The following SLC6A4 variants were observed in gnomAD, a reference collection of about 807,000 sequenced individuals.
SLC6A4 encodes solute carrier family 6 member 4.
In SLC6A4, 22 loss-of-function variants were observed where a neutral mutation model predicts 73.4. The ratio of observed to expected loss-of-function variants is 0.30; its 90% CI spans 0.21 to 0.43. SLC6A4 has a LOEUF of 0.43. Ranked by LOEUF, SLC6A4 falls within the 20% of genes least tolerant of loss-of-function variation. The pLI, the probability that SLC6A4 is intolerant of heterozygous loss-of-function variation, is 1.00. For synonymous variants in SLC6A4, 270 were observed against 315.5 expected (o/e 0.86, Z 1.53); for missense variants, 593 against 808.5 (o/e 0.73, Z 3.23).
Position 30,209,172 on chromosome 17 carries a change from A to G in SLC6A4, c.1520T>C (p.Ile507Thr). The G allele has an allele frequency of 6.2e-7, 1 of 1,613,770 alleles. No individual in the cohort carries two copies. Among genetic ancestry groups the G allele is most frequent in the East Asian group, 2.2e-5 (1 of 44,862 alleles). ...GAACCAAGACACAGCGACTGCTTCG[A>G]TCAGCGCGACAGTGAGCACTGCGGG... ...TGPAVLTVAL[I>T]EAVAVSWFYG... Residue 507 changes from isoleucine to threonine, a missense_variant, in exon 12 of 15, where the codon ATC becomes ACC. Ile to Thr is a moderately conservative substitution (Grantham distance 89). Coordinates refer to ENST00000650711, the MANE Select transcript of SLC6A4 (RefSeq NM_001045.6).
chr17:30,232,325 A>C (rs1441513383), intron 1 of SLC6A4, among the ~76,000 whole-genome samples: 3 of 152,082 alleles, frequency 2.0e-5, no homozygotes, highest in Admixed American at 2.0e-4. Context: ...TGGTCTCATC[A>C]TAACCCCTCC....
At chr17:30,215,744 G>A (rs771689576) in intron 7 of SLC6A4, 30 bp from the exon 8 acceptor site, 1 of 1,585,344 alleles carries the variant, frequency 6.3e-7, no homozygotes, top group African/African-American at 1.3e-5. Flanking sequence ...AGGGCATGGG[G>A]TGAGGGGGAG....
intron 8 of SLC6A4, among the ~76,000 whole-genome samples, chr17:30,214,042 T>A (rs951823830): frequency 9.2e-5 from 14 of 152,182 alleles, no homozygotes; most frequent in Non-Finnish European, 1.6e-4. Flanking sequence ...CAACTGCACC[T>A]GGCCCAGTGG....
chr17:30,222,845 C>A lies in SLC6A4; in HGVS notation c.-150G>T. 2.3e-6 allele frequency: 3 copies of A among 1,304,562 alleles called. No individual in the cohort carries two copies. Among genetic ancestry groups the A allele is most frequent in the Non-Finnish European group, 2.0e-6 (2 of 988,914 alleles). The allele number at this position is 1,304,562 out of a possible 1,614,324, so 80.8% of individuals were successfully genotyped here. ...ATTTGTTCTTCTTTCCACTTGCCAG[C>A]AACTCCTGTGGCTAAGCCCCTTGTT... On this transcript the variant is annotated 5_prime_UTR_variant, in exon 2 of 15. Coordinates refer to ENST00000650711, the MANE Select transcript of SLC6A4 (RefSeq NM_001045.6).
intron 3 of SLC6A4, among the ~76,000 whole-genome samples, chr17:30,219,228 C>T (rs886886807): frequency 6.6e-6 from 1 of 152,176 alleles, no homozygotes; most frequent in African/African-American, 2.4e-5. Flanking sequence ...ACCTGGAGAA[C>T]GCTGGGCCAC....
intron 2 of SLC6A4, 35 bp from the exon 3 acceptor site, chr17:30,222,116 G>T (rs1410870483): frequency 3.5e-6 from 5 of 1,435,880 alleles, no homozygotes; most frequent in East Asian, 2.5e-5. Context: ...GGAGAAAAAA[G>T]TTAGACATTT....
rs1906812502 is a variant in SLC6A4 at position 30,222,848 on chromosome 17, C to A, written c.-153G>T. 1 of 1,304,366 alleles carries A rather than the reference C, an allele frequency of 7.7e-7. No homozygotes were observed. The highest frequency in any genetic ancestry group is 1.5e-5 in the African/African-American group (1 of 65,880). The allele number at this position is 1,304,366 out of a possible 1,614,324, so 80.8% of individuals were successfully genotyped here. A position where few individuals can be genotyped will look rare whatever the true frequency, so the allele number is the denominator to read the frequency against. ...TGTTCTTCTTTCCACTTGCCAGCAA[C>A]TCCTGTGGCTAAGCCCCTTGTTATT... On this transcript the variant is annotated 5_prime_UTR_variant, in exon 2 of 15. Coordinates refer to ENST00000650711, the MANE Select transcript of SLC6A4 (RefSeq NM_001045.6).
chr17:30,218,772 C>A, intron 4 of SLC6A4, 25 bp downstream of exon 4: 1 of 1,612,924 alleles, frequency 6.2e-7, no homozygotes, highest in Non-Finnish European at 8.5e-7. Flanking sequence ...CTCCACTTAC[C>A]CACCCCACCG....
intron 5 of SLC6A4, among the ~76,000 whole-genome samples, 199 bp from the exon 6 acceptor site, chr17:30,217,503 G>A (rs1906614737): frequency 6.6e-6 from 1 of 152,206 alleles, no homozygotes. Context: ...CAACACCCTG[G>A]GAAGAGTGTT....
intron 13 of SLC6A4, among the ~76,000 whole-genome samples, chr17:30,207,410 TAG>T (rs1906241177): frequency 1.3e-5 from 2 of 152,080 alleles, no homozygotes; most frequent in Non-Finnish European, 2.9e-5. Flanking sequence ...TTTTCTGAAA[TAG>T]AGTCTCACTT....
rs774382857 is a variant in SLC6A4 at position 30,212,848 on chromosome 17, C to T, written c.1096G>A (p.Val366Met). The T allele has an allele frequency of 6.2e-6, 10 of 1,613,982 alleles. No homozygotes were observed. The African/African-American group carries it at 8.0e-5, about 13-fold the overall frequency. ...NCYQDALVTSVVNCMTSFVSG... is the reference protein window; with the variant it reads ...NCYQDALVTSMVNCMTSFVSG... ...ACGAAGCTCGTCATGCAGTTCACCA[C>T]GCTGGTCACCAGGGCATCTCTGGAG... Residue 366 changes from valine (V) to methionine (M), a missense_variant, in exon 9 of 15, where the codon GTG (valine) becomes ATG (methionine). Physicochemically the swap from Val to Met is conservative, Grantham distance 21 (BLOSUM62 1). Coordinates refer to ENST00000650711, the MANE Select transcript of SLC6A4 (RefSeq NM_001045.6).
At chr17:30,214,171 C>A (rs1352345445) in intron 8 of SLC6A4, among the ~76,000 whole-genome samples, 1 of 151,780 alleles carries the variant, frequency 6.6e-6, no homozygotes, top group Admixed American at 6.6e-5. Context: ...GCCTGTAATC[C>A]CAGCACTTTG....
chr17:30,206,696 T>C (rs1906209841), intron 13 of SLC6A4, among the ~76,000 whole-genome samples: 1 of 123,930 alleles, frequency 8.1e-6, no homozygotes. Flanking sequence ...CTCAATCTCC[T>C]TTTTTCTTTT....
At chr17:30,213,049 G>C (rs1044480745) in intron 8 of SLC6A4, among the ~76,000 whole-genome samples, 182 bp from the exon 9 acceptor site, 1 of 152,182 alleles carries the variant, frequency 6.6e-6, no homozygotes, top group Non-Finnish European at 1.5e-5. Context: ...CCCAGCTGCC[G>C]AGGCCTGAAG....
chr17:30,215,619 G>T lies in SLC6A4; in HGVS notation c.1068C>A (p.Asn356Lys). 1 of 1,613,322 alleles carries T rather than the reference G, an allele frequency of 6.2e-7. No homozygotes were observed. Residue 356 changes from asparagine (N) to lysine (K), a missense_variant, in exon 8 of 15, where the codon AAC becomes AAA. Asn to Lys is a moderately conservative substitution (Grantham distance 94). Coordinates refer to ENST00000650711, the MANE Select transcript of SLC6A4 (RefSeq NM_001045.6). ...GGACCCCAGATACTCACTGGTAGCA[G>T]TTGTTGTTGAACTTGTTGTAGCTAG... is the stretch of plus-strand genomic sequence containing the variant. The part of the protein sequence containing the change: ...AFASYNKFNN[N>K]CYQDALVTSV...
rs1906644128 is a variant in SLC6A4 at position 30,218,326 on chromosome 17, C to T, written c.490G>A (p.Ala164Thr). 6.2e-7 allele frequency: 1 copy of T among 1,613,504 alleles called. No individual in the cohort carries two copies. The highest frequency in any genetic ancestry group is 8.5e-7 in the Non-Finnish European group (1 of 1,179,626). ...ICPIFKGIGYAICIIAFYIAS... is the reference protein window; with the variant it reads ...ICPIFKGIGYTICIIAFYIAS... ...ATGTAAAAGGCAATGATGCAGATGGCATAACCAATCCCTGGGCAGTGGGTG... is the reference window on the plus strand; with the variant it reads ...ATGTAAAAGGCAATGATGCAGATGGTATAACCAATCCCTGGGCAGTGGGTG... The change falls in exon 5 of 15, where the codon GCC (alanine) becomes ACC (threonine). Residue 164 changes from alanine to threonine, a missense_variant. Coordinates refer to ENST00000650711, the MANE Select transcript of SLC6A4 (RefSeq NM_001045.6).
Position 30,200,739 on chromosome 17 carries a change from G to C in SLC6A4, c.1819-2209C>G, listed in dbSNP as rs28441519. Among the ~76,000 whole-genome samples, 1,166 of 152,248 alleles carry C rather than the reference G, an allele frequency of 7.7e-3. 11 individuals are homozygous for C. The highest frequency in any genetic ancestry group is 0.027 in the African/African-American group (1,105 of 41,540). On this transcript the variant is annotated intron_variant, in intron 14 of 14. Transcript: ENST00000650711. ...TAAACATGCACATGGGCATATTAAA[G>C]TTTTTTTGAGAAGTCCTCAGGTAAA...
At chr17:30,233,183 A>G (rs561269722) in intron 1 of SLC6A4, among the ~76,000 whole-genome samples, 1 of 152,288 alleles carries the variant, frequency 6.6e-6, no homozygotes, top group East Asian at 1.9e-4. Context: ...GTTTCGCTCC[A>G]CACCCACGTA....
chr17:30,229,100 G>C (rs1439172089), intron 1 of SLC6A4, among the ~76,000 whole-genome samples: 1 of 152,196 alleles, frequency 6.6e-6, no homozygotes, highest in Non-Finnish European at 1.5e-5. Context: ...CGGGAAGATT[G>C]GCTGTGCATC....
Sources: gnomAD v4.1 joint callset for allele counts (sites outside exome capture counted in the v4.1 genomes callset) on GRCh38, gnomAD v4.1.1 for gene constraint, MANE v1.5 for transcripts, NCBI Gene and HGNC (gene_info 2026-07-23, HGNC 2026-07-21) for gene names.